Variants in HEATR5B observed in about 807,000 individuals in gnomAD.
HEATR5B encodes HEAT repeat containing 5B.
A neutral mutation model predicts 224.1 loss-of-function variants in HEATR5B; 156 were observed. The ratio of observed to expected loss-of-function variants is 0.70; its 90% CI spans 0.61 to 0.80. The LOEUF is 0.80. Ranked by LOEUF, HEATR5B falls within the 30% of genes least tolerant of loss-of-function variation. HEATR5B has a pLI of 0.00. For missense variants in HEATR5B, 2,323 were observed against 2,535.5 expected (o/e 0.92, Z 1.80); for synonymous variants, 1,027 against 893.0 (o/e 1.15, Z -2.68).
At chr2:37,011,274 G>C (rs1667768827) in intron 27 of HEATR5B, among the ~76,000 whole-genome samples, 1 of 152,168 alleles carries the variant, frequency 6.6e-6, no homozygotes, top group Non-Finnish European at 1.5e-5. Flanking sequence ...CAGGCAGAGG[G>C]AACAGCCAGA....
intron 24 of HEATR5B, among the ~76,000 whole-genome samples, chr2:37,025,460 G>T (rs2148452681): frequency 6.7e-6 from 1 of 149,424 alleles, no homozygotes; most frequent in Non-Finnish European, 1.5e-5. Flanking sequence ...ATAAAAACCA[G>T]AATTAAAAAA....
chr2:36,990,822 G>GT (rs779065317), intron 33 of HEATR5B, 23 bp from the exon 34 acceptor site: 78 of 1,533,632 alleles, frequency 5.1e-5, no homozygotes, highest in Non-Finnish European at 6.5e-5. Flanking sequence ...AATGAAAGAA[G>GT]TGTGCTGTTT....
rs1334635563 is a variant in HEATR5B, at chr2:37,083,315, C to A, written c.100G>T (p.Asp34Tyr). The A allele has an allele frequency of 6.2e-7, 1 of 1,614,080 alleles. No homozygotes were observed. The highest frequency in any genetic ancestry group is 1.7e-5 in the Admixed American group (1 of 60,026). The change falls in exon 2 of 36, where the codon GAT becomes TAT. Residue 34 changes from aspartate to tyrosine, a missense_variant. Asp to Tyr is a radical substitution (Grantham distance 160). This residue lies in a region of HEATR5B where 292 missense variants were observed against 332.6 expected (regional missense o/e 0.88). Coordinates refer to ENST00000233099, the MANE Select transcript of HEATR5B (RefSeq NM_019024.3). ...VFIFEWLRFLDKVLVAANKTD... is the reference protein window; with the variant it reads ...VFIFEWLRFLYKVLVAANKTD... ...TTGTTGGCAGCAACCAAGACTTTAT[C>A]AAGAAATCGCAACCATTCAAAGATG...
At chr2:37,051,872 T>G (rs1670573717) in intron 17 of HEATR5B, among the ~76,000 whole-genome samples, 1 of 152,144 alleles carries the variant, frequency 6.6e-6, no homozygotes, top group African/African-American at 2.4e-5. Context: ...CCCCAGTAGC[T>G]GGGATTACAG....
intron 18 of HEATR5B, among the ~76,000 whole-genome samples, chr2:37,043,170 A>C (rs934567081): frequency 6.6e-6 from 1 of 152,216 alleles, no homozygotes; most frequent in Non-Finnish European, 1.5e-5. Flanking sequence ...CAGAGCTTTC[A>C]ATGGTAATTT....
rs2148593372 is a variant in HEATR5B at position 37,073,427 on chromosome 2, A to G, written c.598-1146T>C. On this transcript the variant is annotated intron_variant, in intron 5 of 35. Transcript: ENST00000233099. ...CCTGGCTAATTTTTTTATTTTTAGT[A>G]GAGATGGGGTTTCGCTATGTTGGCC... Among the ~76,000 whole-genome samples the G allele has an allele frequency of 1.3e-5, 2 of 152,314 alleles. 1 individual carries two copies. The highest frequency in any genetic ancestry group is 4.2e-4 in the South Asian group (2 of 4,818).
intron 18 of HEATR5B, among the ~76,000 whole-genome samples, chr2:37,044,595 TAC>T (rs1203626692): frequency 6.6e-6 from 1 of 152,242 alleles, no homozygotes; most frequent in Non-Finnish European, 1.5e-5. Flanking sequence ...TGTATGCACA[TAC>T]ATTTTCATTT....
intron 17 of HEATR5B, among the ~76,000 whole-genome samples, chr2:37,052,667 T>G (rs2148532338): frequency 6.6e-6 from 1 of 152,300 alleles, no homozygotes; most frequent in South Asian, 2.1e-4. Context: ...TTTTGCACTT[T>G]GGGGCCAGTA....
chr2:37,016,556 C>T (rs927744682), intron 26 of HEATR5B, among the ~76,000 whole-genome samples: 2 of 152,184 alleles, frequency 1.3e-5, no homozygotes, highest in East Asian at 3.8e-4. Context: ...AATTAACACA[C>T]AGATGTATCT....
intron 4 of HEATR5B, 40 bp downstream of exon 4, chr2:37,076,871 C>T (rs765585483): frequency 6.8e-7 from 1 of 1,461,282 alleles, no homozygotes; most frequent in South Asian, 1.1e-5. Flanking sequence ...TAACTCTTGC[C>T]ACAAGCAAAT....
intron 21 of HEATR5B, among the ~76,000 whole-genome samples, chr2:37,036,328 C>G (rs541044008): frequency 6.6e-6 from 1 of 152,188 alleles, no homozygotes; most frequent in Non-Finnish European, 1.5e-5. Flanking sequence ...GGTCCCACCT[C>G]TCTGTCTTCT....
chr2:36,995,995 C>T (rs1488146757), intron 33 of HEATR5B, among the ~76,000 whole-genome samples: 2 of 151,226 alleles, frequency 1.3e-5, no homozygotes, highest in Non-Finnish European at 3.0e-5. Context: ...AAGTGATCCT[C>T]CCACCTCAGC....
intron 10 of HEATR5B, among the ~76,000 whole-genome samples, chr2:37,062,585 C>T (rs1331859828): frequency 1.3e-5 from 2 of 152,210 alleles, no homozygotes; most frequent in African/African-American, 4.8e-5. Flanking sequence ...CCATCTCTGC[C>T]ATTTACTCGC....
chr2:36,992,641 A>G (rs928751269), intron 33 of HEATR5B, among the ~76,000 whole-genome samples: 2 of 152,210 alleles, frequency 1.3e-5, no homozygotes, highest in African/African-American at 2.4e-5. Context: ...CCATCATAGG[A>G]AATTTATTCT....
intron 12 of HEATR5B, among the ~76,000 whole-genome samples, chr2:37,059,933 C>T (rs1671174745): frequency 6.6e-6 from 1 of 152,062 alleles, no homozygotes; most frequent in Non-Finnish European, 1.5e-5. Flanking sequence ...TGCCTGGCTG[C>T]CCTTGTGGTG....
intron 19 of HEATR5B, 70 bp from the exon 20 acceptor site, chr2:37,040,588 T>C (rs1197049912): frequency 5.3e-6 from 6 of 1,128,886 alleles, no homozygotes; most frequent in East Asian, 2.5e-5. Flanking sequence ...GTATACTGAA[T>C]TGTTACATGG....
chr2:37,029,928 T>C (rs1669016141), intron 22 of HEATR5B, among the ~76,000 whole-genome samples: 2 of 129,920 alleles, frequency 1.5e-5, no homozygotes, highest in Non-Finnish European at 1.6e-5. Flanking sequence ...ATAGAGACTC[T>C]ATCTCAAAAA....
At position 37,057,422 on chromosome 2, in the gene HEATR5B, T is replaced by A. The variant is rs767415531; in HGVS notation, c.2118A>T (p.Ser706=). 22 of 1,611,384 alleles carry A rather than the reference T, an allele frequency of 1.4e-5. No individual in the cohort carries two copies. Among genetic ancestry groups the A allele is most frequent in the Non-Finnish European group, 8.5e-7 (1 of 1,178,830 alleles). The change falls in exon 15 of 36, where the codon TCA becomes TCT. Residue 706 remains serine (S), a synonymous_variant. Coordinates refer to ENST00000233099, the MANE Select transcript of HEATR5B (RefSeq NM_019024.3). Reference sequence around the variant, plus strand: ...TGAGGAGGGAAGTAGTTGTGTTGGCTGAGTTGTCAGTCAAAGTGAATTCCG... The same window carrying A: ...TGAGGAGGGAAGTAGTTGTGTTGGCAGAGTTGTCAGTCAAAGTGAATTCCG... ...LVAEFTLTDN[S]ANTTTSLLRS...
intron 2 of HEATR5B, among the ~76,000 whole-genome samples, chr2:37,080,571 A>C (rs1672493105): frequency 6.6e-6 from 1 of 152,210 alleles, no homozygotes; most frequent in Admixed American, 6.5e-5. Context: ...TAGAAGGATG[A>C]AATGGTCATT....
Sources: allele counts gnomAD v4.1 joint callset (sites outside exome capture counted in the v4.1 genomes callset), GRCh38; gene constraint gnomAD v4.1.1; regional missense constraint gnomAD v4.1.1; transcripts MANE v1.5; gene names NCBI Gene and HGNC (gene_info 2026-07-23, HGNC 2026-07-21).